Variants in MALRD1 observed in about 807,000 individuals in gnomAD.
MALRD1 encodes MAM and LDL-receptor class A domain-containing protein 1.
In MALRD1, 247 loss-of-function variants were observed where a neutral mutation model predicts 242.1. That is an observed-to-expected ratio of 1.02 (90% CI 0.92 to 1.13). The LOEUF (loss-of-function observed/expected upper bound fraction) is 1.13. MALRD1 is among the 50% of genes most tolerant of loss of function. MALRD1 has a pLI of 0.00. For missense variants in MALRD1, 2,989 were observed against 2,533.1 expected (o/e 1.18, Z -3.86); for synonymous variants, 995 against 866.6 (o/e 1.15, Z -2.60).
intron 4 of MALRD1, among the ~76,000 whole-genome samples, chr10:19,103,761 T>G (rs1836364804): frequency 6.6e-6 from 1 of 152,082 alleles, no homozygotes; most frequent in Admixed American, 6.5e-5. Flanking sequence ...ATGTTACCTA[T>G]CCTATGCCAG....
intron 38 of MALRD1, among the ~76,000 whole-genome samples, chr10:19,726,417 C>CAAT (rs1835029030): frequency 6.6e-6 from 1 of 151,842 alleles, no homozygotes; most frequent in South Asian, 2.1e-4. Flanking sequence ...ACTGAGATAG[C>CAAT]AATAATAATA....
intron 36 of MALRD1, among the ~76,000 whole-genome samples, chr10:19,629,761 A>G (rs1589330971): frequency 6.6e-6 from 1 of 152,126 alleles, no homozygotes; most frequent in East Asian, 1.9e-4. Context: ...CCTCAGACTG[A>G]ATTTCACAAT....
intron 28 of MALRD1, among the ~76,000 whole-genome samples, chr10:19,410,292 G>A (rs902773639): frequency 8.5e-5 from 13 of 152,052 alleles, no homozygotes; most frequent in African/African-American, 3.1e-4. Flanking sequence ...AATAGTTTTT[G>A]ATATCTCACG....
At chr10:19,297,990 G>C (rs796796341) in intron 21 of MALRD1, among the ~76,000 whole-genome samples, 23 of 152,052 alleles carry the variant, frequency 1.5e-4, no homozygotes, top group African/African-American at 5.3e-4. Flanking sequence ...CGGCTTGGGA[G>C]TTGTCTTCAT....
At chr10:19,062,645 A>G (rs1173109758) in intron 1 of MALRD1, among the ~76,000 whole-genome samples, 2 of 152,192 alleles carry the variant, frequency 1.3e-5, no homozygotes, top group East Asian at 1.9e-4. Flanking sequence ...AAAAACATAC[A>G]CTATATGATT....
intron 36 of MALRD1, among the ~76,000 whole-genome samples, chr10:19,624,554 T>A (rs1839559778): frequency 6.6e-6 from 1 of 152,068 alleles, no homozygotes; most frequent in Admixed American, 6.6e-5. Context: ...ATAGTATGTG[T>A]AATTTAGCAG....
chr10:19,472,837 T>G (rs1186781574), intron 29 of MALRD1, among the ~76,000 whole-genome samples: 3 of 151,172 alleles, frequency 2.0e-5, no homozygotes, highest in Non-Finnish European at 4.5e-5. Flanking sequence ...AAAAACAAAC[T>G]TGTAGTTTTT....
intron 2 of MALRD1, among the ~76,000 whole-genome samples, chr10:19,084,604 G>A (rs541833682): frequency 6.6e-6 from 1 of 152,000 alleles, no homozygotes; most frequent in South Asian, 2.1e-4. Flanking sequence ...CCCATCAATG[G>A]TTGAGGAAAG....
At chr10:19,465,076 T>C (rs1480428128) in intron 29 of MALRD1, among the ~76,000 whole-genome samples, 1 of 152,106 alleles carries the variant, frequency 6.6e-6, no homozygotes, top group Non-Finnish European at 1.5e-5. Flanking sequence ...AGCCGGAAAC[T>C]TTGCTGAATT....
chr10:19,477,817 T>A (rs990001398), intron 29 of MALRD1, among the ~76,000 whole-genome samples: 16 of 152,118 alleles, frequency 1.1e-4, no homozygotes, highest in African/African-American at 3.9e-4. Flanking sequence ...AAGAAGCTGG[T>A]CATCCCACCG....
chr10:19,083,954 A>G (rs1048528421), intron 2 of MALRD1, among the ~76,000 whole-genome samples: 6 of 151,958 alleles, frequency 3.9e-5, no homozygotes, highest in African/African-American at 1.4e-4. Flanking sequence ...AAAAAGTTTC[A>G]GAGATCTCTA....
chr10:19,333,653 T>C (rs151106102), intron 24 of MALRD1, among the ~76,000 whole-genome samples: 2 of 152,230 alleles, frequency 1.3e-5, no homozygotes, highest in Non-Finnish European at 2.9e-5. Flanking sequence ...TTTCCTTTGG[T>C]TATATATCCA....
At chr10:19,376,252 T>C (rs1418672344) in intron 26 of MALRD1, among the ~76,000 whole-genome samples, 3 of 152,254 alleles carry the variant, frequency 2.0e-5, no homozygotes, top group Non-Finnish European at 4.4e-5. Flanking sequence ...GTCTCATATT[T>C]CATTTCCTCA....
chr10:19,496,929 A>G (rs1341335239), intron 30 of MALRD1, among the ~76,000 whole-genome samples: 1 of 152,190 alleles, frequency 6.6e-6, no homozygotes, highest in African/African-American at 2.4e-5. Context: ...ATAAACAGAG[A>G]TTAGCCTTAA....
At chr10:19,225,949 C>A (rs915898442) in intron 18 of MALRD1, among the ~76,000 whole-genome samples, 2 of 152,126 alleles carry the variant, frequency 1.3e-5, no homozygotes, top group African/African-American at 2.4e-5. Context: ...ATGACAGCTT[C>A]CTCTGTAACC....
intron 28 of MALRD1, among the ~76,000 whole-genome samples, chr10:19,409,082 G>T (rs1269332654): frequency 6.6e-6 from 1 of 152,166 alleles, no homozygotes; most frequent in Non-Finnish European, 1.5e-5. Context: ...AAACAACCCA[G>T]ATGGCCTTCA....
In MALRD1 at chr10:19,412,066, A is replaced by G. The variant is rs1369092990; in HGVS notation, c.4845+22457A>G. 2.0e-5 allele frequency among the ~76,000 whole-genome samples: 3 copies of G among 152,326 alleles called. No individual in the cohort carries two copies. The East Asian group carries it at 5.8e-4, about 29-fold the overall frequency. On this transcript the variant is annotated intron_variant, in intron 28 of 39. Transcript: ENST00000454679. ...GCAATCCCAGCACTTTGGGAGGCCAAGGTGGGTGGATCACCTGAATTCAGG... is the reference window on the plus strand; with the variant it reads ...GCAATCCCAGCACTTTGGGAGGCCAGGGTGGGTGGATCACCTGAATTCAGG...
intron 29 of MALRD1, among the ~76,000 whole-genome samples, chr10:19,463,782 G>T (rs1836071663): frequency 6.6e-6 from 1 of 152,010 alleles, no homozygotes; most frequent in African/African-American, 2.4e-5. Flanking sequence ...GTTCTTTAAG[G>T]ACTATTCACA....
intron 38 of MALRD1, among the ~76,000 whole-genome samples, chr10:19,718,101 GGAA>G (rs1834488855): frequency 2.2e-5 from 2 of 89,734 alleles, no homozygotes; most frequent in South Asian, 7.9e-4. Context: ...AAGAAGAAGA[GGAA>G]GAGGAAGAAG....
Sources: allele counts gnomAD v4.1 joint callset (sites outside exome capture counted in the v4.1 genomes callset), GRCh38; gene constraint gnomAD v4.1.1; transcripts MANE v1.5; gene names NCBI Gene and HGNC (gene_info 2026-07-23, HGNC 2026-07-21).